TTLL11: variants seen among roughly 807,000 people sequenced by gnomAD.
The protein encoded by TTLL11 is tubulin polyglutamylase TTLL11.
TTLL11 carries 42 observed loss-of-function variants against 51.7 expected under a neutral mutation model. The ratio of observed to expected loss-of-function variants is 0.81; its 90% CI spans 0.64 to 1.05. The LOEUF is 1.05. TTLL11 is among the 50% of genes least tolerant of loss of function. TTLL11 has a pLI of 0.00. For synonymous variants in TTLL11, 381 were observed against 383.5 expected (o/e 0.99, Z 0.08); for missense variants, 799 against 940.4 (o/e 0.85, Z 1.97).
rs1430345262 is a variant in TTLL11 at position 121,822,480 on chromosome 9, G to A, written c.*107C>T. The A allele has an allele frequency of 2.7e-6, 3 of 1,124,832 alleles. No homozygotes were observed. Among genetic ancestry groups the A allele is most frequent in the African/African-American group, 1.6e-5 (1 of 62,174 alleles). 69.7% of individuals were successfully genotyped at this position (1,124,832 alleles called of 1,614,324 possible). The stretch of plus-strand genomic sequence containing the variant: ...AGACAGTTCGTGGGGACCTCAGCTG[G>A]GCCCCTCGGCAGCCTGCCTGCCATT... On this transcript the variant is annotated 3_prime_UTR_variant, in exon 9 of 9. Coordinates refer to ENST00000321582, the MANE Select transcript of TTLL11 (RefSeq NM_001139442.2). This position sits in a 1 kb window ranked among gnomAD's most constrained non-coding sequence, Gnocchi z 5.8.
intron 1 of TTLL11, among the ~76,000 whole-genome samples, chr9:122,084,846 G>A (rs1416149512): frequency 6.6e-6 from 1 of 152,108 alleles, no homozygotes; most frequent in Non-Finnish European, 1.5e-5. Flanking sequence ...CCACACAGCT[G>A]GTGGGTACTT....
chr9:122,005,250 C>G (rs1168812657), intron 3 of TTLL11, among the ~76,000 whole-genome samples: 2 of 152,180 alleles, frequency 1.3e-5, no homozygotes, highest in Non-Finnish European at 1.5e-5. Context: ...CCTGGATGGT[C>G]TCTCAGGTCC....
intron 1 of TTLL11, among the ~76,000 whole-genome samples, chr9:122,068,037 C>T (rs1001356130): frequency 1.3e-5 from 2 of 152,168 alleles, no homozygotes; most frequent in African/African-American, 4.8e-5. Context: ...GTCATTGCAG[C>T]TTTACATACA....
intron 6 of TTLL11, among the ~76,000 whole-genome samples, chr9:121,875,447 G>C (rs1279402215): frequency 2.0e-5 from 3 of 152,174 alleles, no homozygotes; most frequent in Non-Finnish European, 4.4e-5. Context: ...GTATTTAGTG[G>C]ATGACTACCA....
chr9:121,961,640 A>T (rs1335176191), intron 6 of TTLL11, among the ~76,000 whole-genome samples: 1 of 152,236 alleles, frequency 6.6e-6, no homozygotes, highest in Non-Finnish European at 1.5e-5. Context: ...AGCTTTAAGC[A>T]TAGATGCTAG....
chr9:121,831,510 C>T (rs986153392), intron 8 of TTLL11, among the ~76,000 whole-genome samples: 2 of 151,960 alleles, frequency 1.3e-5, no homozygotes, highest in African/African-American at 4.8e-5. Context: ...ACCAGCCTGG[C>T]CAACATAGTG....
intron 3 of TTLL11, among the ~76,000 whole-genome samples, chr9:122,021,880 A>C (rs1045760949): frequency 6.6e-6 from 1 of 152,238 alleles, no homozygotes; most frequent in Admixed American, 6.5e-5. Context: ...CAGAGTTAGA[A>C]TTAGGAGACA....
intron 3 of TTLL11, among the ~76,000 whole-genome samples, chr9:121,994,346 T>C (rs564821599): frequency 2.0e-5 from 3 of 152,224 alleles, no homozygotes; most frequent in South Asian, 2.1e-4. Flanking sequence ...ACTAGTGAGA[T>C]TGGCAGGGGC....
chr9:122,077,506 G>A (rs1226894659), intron 1 of TTLL11, among the ~76,000 whole-genome samples: 1 of 151,694 alleles, frequency 6.6e-6, no homozygotes, highest in African/African-American at 2.4e-5. Context: ...ACTAGTGCAG[G>A]GAGAAAATGA....
chr9:122,049,245 A>G lies in TTLL11; in HGVS notation c.463-9877T>C, dbSNP rs567439961. On this transcript the variant is annotated intron_variant, in intron 1 of 8. Coordinates refer to ENST00000321582, the MANE Select transcript of TTLL11 (RefSeq NM_001139442.2). ...TATGTCTATGTGTTAAACACTTTAC[A>G]TGTATTACCTTATTTAATCCACAAA... Among the ~76,000 whole-genome samples the G allele has an allele frequency of 7.9e-5, 12 of 152,334 alleles. 1 individual carries two copies. In the South Asian group the frequency reaches 1.9e-3, roughly 24 times the overall value.
At chr9:121,942,404 T>A (rs1841509730) in intron 6 of TTLL11, among the ~76,000 whole-genome samples, 1 of 152,198 alleles carries the variant, frequency 6.6e-6, no homozygotes, top group Non-Finnish European at 1.5e-5. Context: ...ACTGTTGACT[T>A]ATTTGCTCAC....
At chr9:122,089,124 G>A (rs1846198221) in intron 1 of TTLL11, among the ~76,000 whole-genome samples, 2 of 151,946 alleles carry the variant, frequency 1.3e-5, no homozygotes, top group Admixed American at 6.6e-5. Flanking sequence ...TAAAGTGGAC[G>A]GTGATATATA....
At chr9:121,939,266 T>G (rs1162932884) in intron 6 of TTLL11, among the ~76,000 whole-genome samples, 1 of 152,194 alleles carries the variant, frequency 6.6e-6, no homozygotes, top group Non-Finnish European at 1.5e-5. Context: ...AGTTTATTTA[T>G]AATATAACTA....
intron 3 of TTLL11, among the ~76,000 whole-genome samples, chr9:122,000,111 G>A (rs963966276): frequency 1.3e-5 from 2 of 152,088 alleles, no homozygotes; most frequent in African/African-American, 2.4e-5. Flanking sequence ...TGCTGCATTC[G>A]CAGAAGGTGA....
At chr9:121,976,836 T>C (rs554483232) in intron 4 of TTLL11, among the ~76,000 whole-genome samples, 6 of 152,312 alleles carry the variant, frequency 3.9e-5, no homozygotes, top group Admixed American at 1.3e-4. Context: ...GTAGAAAATG[T>C]TGCATGGATT....
intron 6 of TTLL11, among the ~76,000 whole-genome samples, chr9:121,887,765 C>G (rs958925871): frequency 2.6e-5 from 4 of 152,214 alleles, no homozygotes; most frequent in African/African-American, 9.6e-5. Flanking sequence ...AAAGTGCCTC[C>G]CCCGCAGCAA....
chr9:121,825,911 T>A (rs1836737254), intron 8 of TTLL11, among the ~76,000 whole-genome samples: 2 of 151,472 alleles, frequency 1.3e-5, no homozygotes, highest in Non-Finnish European at 2.9e-5. Context: ...GGGATCTCAC[T>A]GTGCTGCCTT....
intron 6 of TTLL11, among the ~76,000 whole-genome samples, chr9:121,892,673 T>A (rs1839293330): frequency 6.6e-6 from 1 of 152,124 alleles, no homozygotes. Flanking sequence ...ATTTTACTCT[T>A]ACTGTCCCCC....
At chr9:121,877,337 T>C (rs1838603406) in intron 6 of TTLL11, among the ~76,000 whole-genome samples, 1 of 152,220 alleles carries the variant, frequency 6.6e-6, no homozygotes, top group South Asian at 2.1e-4. Flanking sequence ...TGTTGCTTGA[T>C]AAATCTCTGC....
Sources: allele counts gnomAD v4.1 joint callset (sites outside exome capture counted in the v4.1 genomes callset), GRCh38; gene constraint gnomAD v4.1.1; non-coding constraint Gnocchi (gnomAD v3.1); transcripts MANE v1.5; gene names NCBI Gene and HGNC (gene_info 2026-07-23, HGNC 2026-07-21).